The following OR5K1 variants were observed in gnomAD, a reference collection of about 807,000 sequenced individuals.
The protein encoded by OR5K1 is olfactory receptor 5K1.
OR5K1 carries 7 observed loss-of-function variants against 10.4 expected under a neutral mutation model. The observed-to-expected ratio is 0.67, with a 90% CI of 0.38 to 1.26. The LOEUF is 1.26. OR5K1 is among the 50% of genes most tolerant of loss of function. The pLI is 0.02. For missense variants in OR5K1, 435 were observed against 366.2 expected, an observed-to-expected ratio of 1.19 and a Z score of -1.53; for synonymous variants, 135 against 128.5, an observed-to-expected ratio of 1.05 and a Z score of -0.34.
At chr3:98,465,164 T>C (rs999427167) in intron 1 of OR5K1, among the ~76,000 whole-genome samples, 1 of 152,222 alleles carries the variant, frequency 6.6e-6, no homozygotes, top group African/African-American at 2.4e-5. Context: ...TTTGATGTAT[T>C]GTCATGCTAC....
Position 98,470,154 on chromosome 3 carries a change from A to G in OR5K1, c.578A>G (p.Tyr193Cys), listed in dbSNP as rs762418504. 8 of 1,613,410 alleles carry G rather than the reference A, an allele frequency of 5.0e-6. No homozygotes were observed. Among genetic ancestry groups the G allele is most frequent in the African/African-American group, 2.7e-5 (2 of 74,982 alleles). Residue 193 changes from tyrosine to cysteine, a missense_variant, in exon 2 of 2, where the codon TAT becomes TGT. Coordinates refer to ENST00000642057, the MANE Select transcript of OR5K1 (RefSeq NM_001004736.4). Reference protein sequence around the residue: ...PLYRLSCVDPYINELVLFIFS... With the variant: ...PLYRLSCVDPCINELVLFIFS... The stretch of plus-strand genomic sequence containing the variant: ...TATAGACTCTCTTGTGTTGATCCTT[A>G]TATCAATGAACTGGTTCTATTCATC...
rs368116609 is a variant in OR5K1, at chr3:98,469,552, C to T, written c.-11-14C>T. On this transcript the variant is annotated splice_polypyrimidine_tract_variant and intron_variant, in intron 1 of 1. Coordinates refer to ENST00000642057, the MANE Select transcript of OR5K1 (RefSeq NM_001004736.4). ...TATAAATTAGTGCCTTCTTTCTCCACAATTTTTTTTCAGACAAGTCAGGAA... is the reference window on the plus strand; with the variant it reads ...TATAAATTAGTGCCTTCTTTCTCCATAATTTTTTTTCAGACAAGTCAGGAA... 6.3e-5 allele frequency: 100 copies of T among 1,592,032 alleles called. No homozygotes were observed. The highest frequency in any genetic ancestry group is 8.3e-5 in the Non-Finnish European group (97 of 1,168,384).
rs1018440140 is a variant in OR5K1, at chr3:98,469,558, T to C, written c.-11-8T>C. 6.3e-7 allele frequency: 1 copy of C among 1,594,794 alleles called. No homozygotes were observed. Reference sequence around the variant, plus strand: ...TTAGTGCCTTCTTTCTCCACAATTTTTTTTCAGACAAGTCAGGAATGGCTG... The same window carrying C: ...TTAGTGCCTTCTTTCTCCACAATTTCTTTTCAGACAAGTCAGGAATGGCTG... On this transcript the variant is annotated splice_region_variant and splice_polypyrimidine_tract_variant and intron_variant, in intron 1 of 1. Transcript: ENST00000642057.
At chr3:98,468,833 A>G (rs1328737437) in intron 1 of OR5K1, among the ~76,000 whole-genome samples, 1 of 152,148 alleles carries the variant, frequency 6.6e-6, no homozygotes, top group African/African-American at 2.4e-5. Context: ...ATATATATTC[A>G]TTGAAATTTT....
chr3:98,468,243 A>C (rs1705398179), intron 1 of OR5K1, among the ~76,000 whole-genome samples: 1 of 152,124 alleles, frequency 6.6e-6, no homozygotes, highest in Non-Finnish European at 1.5e-5. Flanking sequence ...TGTTATGTTT[A>C]AGTGTACACT....
At chr3:98,465,424 A>G (rs2107087730) in intron 1 of OR5K1, among the ~76,000 whole-genome samples, 1 of 152,276 alleles carries the variant, frequency 6.6e-6, no homozygotes, top group East Asian at 1.9e-4. Context: ...ATTATGAATG[A>G]AATTACAATG....
intron 1 of OR5K1, among the ~76,000 whole-genome samples, chr3:98,464,508 G>A (rs891671605): frequency 2.6e-5 from 4 of 152,058 alleles, no homozygotes; most frequent in African/African-American, 4.8e-5. Context: ...GGCATCCAAT[G>A]ACTATCAGTT....
rs1414669435 is a variant in OR5K1 at position 98,472,453 on chromosome 3, C to T, written c.*1950C>T. 2.6e-5 allele frequency: 4 copies of T among 151,964 alleles called. No individual in the cohort carries two copies. The highest frequency in any genetic ancestry group is 9.7e-5 in the African/African-American group (4 of 41,400). The allele number at this position is 151,964 out of a possible 1,614,324, so 9.4% of individuals were successfully genotyped here. On this transcript the variant is annotated 3_prime_UTR_variant, in exon 2 of 2. Coordinates refer to ENST00000642057, the MANE Select transcript of OR5K1 (RefSeq NM_001004736.4). ...CTCCCTGAGCAATTGTCACCCCACT[C>T]CCATGCCAGGACACCCCCTGGGAAT...
intron 1 of OR5K1, among the ~76,000 whole-genome samples, chr3:98,463,838 A>G (rs886632951): frequency 6.6e-6 from 1 of 152,204 alleles, no homozygotes; most frequent in African/African-American, 2.4e-5. Flanking sequence ...TGACCAATGG[A>G]CAACTGGGTG....
In OR5K1 at chr3:98,470,291, T is replaced by G. The variant is rs548121251; in HGVS notation, c.715T>G (p.Ser239Ala). 3.1e-6 allele frequency: 5 copies of G among 1,613,394 alleles called. No homozygotes were observed. The Admixed American group carries it at 8.4e-5, about 27-fold the overall frequency. ...KSKEGRAKAF[S>A]TCASHFLSVS... ...CAAAGAGGGAAGGGCCAAAGCTTTT[T>G]CTACCTGTGCATCCCACTTTTTGTC... The change falls in exon 2 of 2, where the codon TCT becomes GCT. Residue 239 changes from serine (S) to alanine (A), a missense_variant. Transcript: ENST00000642057.
intron 1 of OR5K1, 53 bp downstream of exon 1, chr3:98,463,360 G>T (rs547672489): frequency 6.6e-6 from 1 of 151,984 alleles, no homozygotes; most frequent in African/African-American, 2.4e-5. Context: ...GACATGAAAC[G>T]TTTATTTCTC....
intron 1 of OR5K1, among the ~76,000 whole-genome samples, chr3:98,467,894 C>T (rs1378395160): frequency 6.7e-6 from 1 of 149,322 alleles, no homozygotes; most frequent in African/African-American, 2.5e-5. Context: ...CCCTTTATTT[C>T]CTTCTCCTGC....
intron 1 of OR5K1, among the ~76,000 whole-genome samples, chr3:98,468,116 G>C (rs1321708473): frequency 6.6e-6 from 1 of 151,944 alleles, no homozygotes; most frequent in Non-Finnish European, 1.5e-5. Flanking sequence ...TTCTAGTATA[G>C]GCATTTTTTC....
At position 98,470,348 on chromosome 3, in the gene OR5K1, A is replaced by C; in HGVS notation, c.772A>C (p.Met258Leu). The change falls in exon 2 of 2, where the codon ATG becomes CTG. Residue 258 changes from methionine (M) to leucine (L), a missense_variant. Met to Leu is a conservative substitution (Grantham distance 15). Coordinates refer to ENST00000642057, the MANE Select transcript of OR5K1 (RefSeq NM_001004736.4). The part of the protein sequence containing the change: ...VSLFYGSLFF[M>L]YVRPNLLEEG... ...ATTATTCTATGGATCTCTTTTCTTC[A>C]TGTACGTTAGACCAAATTTGCTTGA... 1 of 1,613,234 alleles carries C rather than the reference A, an allele frequency of 6.2e-7. No individual in the cohort carries two copies. The highest frequency in any genetic ancestry group is 8.5e-7 in the Non-Finnish European group (1 of 1,179,548).
intron 1 of OR5K1, 48 bp downstream of exon 1, chr3:98,463,355 G>A (rs1705334637): frequency 6.6e-6 from 1 of 152,112 alleles, no homozygotes; most frequent in East Asian, 1.9e-4. Flanking sequence ...TTAATGACAT[G>A]AAACGTTTAT....
In OR5K1 at chr3:98,471,605, G is replaced by C. The variant is rs1705448796; in HGVS notation, c.*1102G>C. ...ATGCCAGTTTTTCCATCTTCTCGAA[G>C]AATAGAATATTGCCACAATTTTTAT... On this transcript the variant is annotated 3_prime_UTR_variant, in exon 2 of 2. Coordinates refer to ENST00000642057, the MANE Select transcript of OR5K1 (RefSeq NM_001004736.4). 6.6e-6 allele frequency: 1 copy of C among 151,924 alleles called. No individual in the cohort carries two copies. The highest frequency in any genetic ancestry group is 2.1e-4 in the South Asian group (1 of 4,818). 9.4% of individuals were successfully genotyped at this position (151,924 alleles called of 1,614,324 possible).
chr3:98,469,876 GTT>G lies in OR5K1; in HGVS notation c.303_304del (p.Phe101LeufsTer20). On this transcript the variant is annotated frameshift_variant, in exon 2 of 2. Transcript: ENST00000642057. LOFTEE classifies it high-confidence loss of function. ...TTTCCCTCTATGAATGTGCAGTACA[GTT>G]TTATTTTCTTTGCACTGTGGAAACT... ...RISLYECAVQ[F>X]YFLCTVETAD... 1.2e-6 allele frequency: 2 copies of G among 1,613,730 alleles called. No individual in the cohort carries two copies. The highest frequency in any genetic ancestry group is 1.7e-6 in the Non-Finnish European group (2 of 1,179,788).
chr3:98,470,468 A>AT lies in OR5K1; in HGVS notation c.893dup (p.Ser299LysfsTer28). The AT allele has an allele frequency of 3.8e-6, 6 of 1,578,518 alleles. No individual in the cohort carries two copies. The highest frequency in any genetic ancestry group is 5.2e-6 in the Non-Finnish European group (6 of 1,152,482). ...TTATAGCCTGAGAAATAGGGAAGTAATAAGTGTCTTAAGAAAAATTCTGAT... is the reference window on the plus strand; with the variant it reads ...TTATAGCCTGAGAAATAGGGAAGTAATTAAGTGTCTTAAGAAAAATTCTGAT... On this transcript the variant is annotated frameshift_variant, in exon 2 of 2. Coordinates refer to ENST00000642057, the MANE Select transcript of OR5K1 (RefSeq NM_001004736.4). LOFTEE classifies it high-confidence loss of function.
rs555802209 is a variant in OR5K1 at position 98,470,587 on chromosome 3, G to C, written c.*84G>C. The C allele has an allele frequency of 1.4e-6, 1 of 724,948 alleles. No homozygotes were observed. Among genetic ancestry groups the C allele is most frequent in the Admixed American group, 3.1e-5 (1 of 32,166 alleles). 44.9% of individuals were successfully genotyped at this position (724,948 alleles called of 1,614,324 possible). A position where few individuals can be genotyped will look rare whatever the true frequency, so the allele number is the denominator to read the frequency against. Reference sequence around the variant, plus strand: ...AAAACTTCCATGTGAAATTACACAGGGGAAATGCATAAATTATAAGTAAAA... The same window carrying C: ...AAAACTTCCATGTGAAATTACACAGCGGAAATGCATAAATTATAAGTAAAA... On this transcript the variant is annotated 3_prime_UTR_variant, in exon 2 of 2. Coordinates refer to ENST00000642057, the MANE Select transcript of OR5K1 (RefSeq NM_001004736.4).
Sources: gnomAD v4.1 joint callset for allele counts (sites outside exome capture counted in the v4.1 genomes callset) on GRCh38, gnomAD v4.1.1 for gene constraint, MANE v1.5 for transcripts, NCBI Gene and HGNC (gene_info 2026-07-23, HGNC 2026-07-21) for gene names.